Variants in MLYCD observed in about 807,000 individuals in gnomAD.
MLYCD encodes malonyl-CoA decarboxylase.
In MLYCD, 27 loss-of-function variants were observed where a neutral mutation model predicts 35.8. The observed-to-expected ratio is 0.75, with a 90% confidence interval of 0.56 to 1.04. MLYCD has a LOEUF of 1.04. MLYCD is among the 50% of genes least tolerant of loss of function. MLYCD has a pLI of 0.00. For missense variants in MLYCD, 917 were observed against 665.1 expected, an observed-to-expected ratio of 1.38 and a Z score of -4.17; for synonymous variants, 403 against 302.4, an observed-to-expected ratio of 1.33 and a Z score of -3.45.
At position 83,899,689 on chromosome 16, in the gene MLYCD, G is replaced by C; in HGVS notation, c.528+17G>C. Reference sequence around the variant, plus strand: ...GACGTCCGGGTAAGGGGCCGCCGTCGATCCCCCGGCAGCGCGGACTGGCCG... The same window carrying C: ...GACGTCCGGGTAAGGGGCCGCCGTCCATCCCCCGGCAGCGCGGACTGGCCG... On this transcript the variant is annotated intron_variant, in intron 1 of 4. Transcript: ENST00000262430. The C allele has an allele frequency of 1.3e-6, 2 of 1,506,736 alleles. No individual in the cohort carries two copies. Among genetic ancestry groups the C allele is most frequent in the Non-Finnish European group, 1.8e-6 (2 of 1,133,440 alleles). The allele number at this position is 1,506,736 out of a possible 1,614,324, so 93.3% of individuals were successfully genotyped here.
rs904429567 is a variant in MLYCD, at chr16:83,921,455, G to A, written c.*5966G>A. The A allele has an allele frequency of 1.3e-5, 2 of 150,312 alleles. No individual in the cohort carries two copies. The highest frequency in any genetic ancestry group is 3.0e-5 in the Non-Finnish European group (2 of 67,498). 9.3% of individuals were successfully genotyped at this position (150,312 alleles called of 1,614,324 possible). On this transcript the variant is annotated 3_prime_UTR_variant, in exon 5 of 5. Transcript: ENST00000262430. ...GGATGGGTGGGTGGGTGGGTGGATG[G>A]ATGGCGCAGGGTATATGGAAGGAAG...
intron 3 of MLYCD, among the ~76,000 whole-genome samples, chr16:83,911,518 G>A (rs760006317): frequency 2.0e-5 from 3 of 152,210 alleles, no homozygotes; most frequent in Non-Finnish European, 4.4e-5. Context: ...ATGCTTCGGA[G>A]TATAAGGGAT....
In MLYCD at chr16:83,899,556, C is replaced by A; in HGVS notation, c.412C>A (p.Arg138Ser). Residue 138 changes from arginine to serine, a missense_variant, in exon 1 of 5, where the codon CGC (arginine) becomes AGC (serine). Physicochemically the swap from Arg to Ser is moderately radical, Grantham distance 110. Transcript: ENST00000262430. ...GCGCTACGCGCTGGTGCCGCGCTATCGCGGCCTCTTCCACCACATCAGCAA... is the reference window on the plus strand; with the variant it reads ...GCGCTACGCGCTGGTGCCGCGCTATAGCGGCCTCTTCCACCACATCAGCAA... ...RLRYALVPRYRGLFHHISKLD... is the reference protein window; with the variant it reads ...RLRYALVPRYSGLFHHISKLD... The A allele has an allele frequency of 1.3e-6, 2 of 1,592,968 alleles. No individual in the cohort carries two copies.
rs1358648220 is a variant in MLYCD at position 83,920,668 on chromosome 16, T to C, written c.*5179T>C. On this transcript the variant is annotated 3_prime_UTR_variant, in exon 5 of 5. Transcript: ENST00000262430. ...TCTGTGTGGCAGGCGTGTCCGAGAC[T>C]GCAACTCCTAGTTCCCACCTTTCAC... 3 of 152,220 alleles carry C rather than the reference T, an allele frequency of 2.0e-5. No homozygotes were observed. The highest frequency in any genetic ancestry group is 7.2e-5 in the African/African-American group (3 of 41,456). The allele number at this position is 152,220 out of a possible 1,614,324, so 9.4% of individuals were successfully genotyped here.
Position 83,899,149 on chromosome 16 carries a change from G to A in MLYCD, c.5G>A (p.Arg2Gln). 2 of 1,143,200 alleles carry A rather than the reference G, an allele frequency of 1.7e-6. No homozygotes were observed. Among genetic ancestry groups the A allele is most frequent in the Non-Finnish European group, 2.1e-6 (2 of 934,070 alleles). The allele number at this position is 1,143,200 out of a possible 1,614,324, so 70.8% of individuals were successfully genotyped here. M[R>Q]GFGPGLTARR... Reference sequence around the variant, plus strand: ...CGGCAGCTGTTGTGGGGCACCATGCGAGGCTTCGGGCCAGGCTTGACGGCC... The same window carrying A: ...CGGCAGCTGTTGTGGGGCACCATGCAAGGCTTCGGGCCAGGCTTGACGGCC... Residue 2 changes from arginine to glutamine, a missense_variant, in exon 1 of 5, where the codon CGA (arginine) becomes CAA (glutamine). Transcript: ENST00000262430.
chr16:83,899,202 C>T lies in MLYCD; in HGVS notation c.58C>T (p.Pro20Ser), dbSNP rs1292718330. ...ARRLLPLRLPPRPPGPRLASG... is the reference protein window; with the variant it reads ...ARRLLPLRLPSRPPGPRLASG... ...GCGTCTCCTCCCGCTGCGGTTGCCC[C>T]CGCGGCCGCCCGGGCCCCGGCTGGC... The change falls in exon 1 of 5, where the codon CCG becomes TCG. Residue 20 changes from proline to serine, a missense_variant. Physicochemically the swap from Pro to Ser is moderately conservative, Grantham distance 74 (BLOSUM62 -1). Transcript: ENST00000262430. 5.1e-6 allele frequency: 6 copies of T among 1,181,014 alleles called. No homozygotes were observed. Among genetic ancestry groups the T allele is most frequent in the Admixed American group, 4.6e-5 (1 of 21,920 alleles). 73.2% of individuals were successfully genotyped at this position (1,181,014 alleles called of 1,614,324 possible). A position where few individuals can be genotyped will look rare whatever the true frequency, so the allele number is the denominator to read the frequency against.
chr16:83,911,108 C>T (rs2151058301), intron 3 of MLYCD, among the ~76,000 whole-genome samples: 1 of 152,292 alleles, frequency 6.6e-6, no homozygotes, highest in Admixed American at 6.5e-5. Flanking sequence ...TCCGTAGTAG[C>T]TGGGACTACA....
rs1057429820 is a variant in MLYCD, at chr16:83,916,128, C to G, written c.*639C>G. The stretch of plus-strand genomic sequence containing the variant: ...AATAGGCTTTAAATGATCAGGGATT[C>G]AGGTTCATAATGAACTTCACAGTAA... On this transcript the variant is annotated 3_prime_UTR_variant, in exon 5 of 5. Transcript: ENST00000262430. 4.0e-6 allele frequency: 4 copies of G among 993,010 alleles called. No individual in the cohort carries two copies. The highest frequency in any genetic ancestry group is 4.8e-6 in the Non-Finnish European group (4 of 833,344). 61.5% of individuals were successfully genotyped at this position (993,010 alleles called of 1,614,324 possible). A position where few individuals can be genotyped will look rare whatever the true frequency, so the allele number is the denominator to read the frequency against.
rs761146008 is a variant in MLYCD, at chr16:83,914,942, A to G, written c.949-14A>G. 8 of 1,614,094 alleles carry G rather than the reference A, an allele frequency of 5.0e-6. No individual in the cohort carries two copies. Among genetic ancestry groups the G allele is most frequent in the Non-Finnish European group, 5.9e-6 (7 of 1,180,008 alleles). ...TTTCTCCGCCTTCCTTTCCACCCCAACCATGCTTTACAGAGAGAGTTTCCT... is the reference window on the plus strand; with the variant it reads ...TTTCTCCGCCTTCCTTTCCACCCCAGCCATGCTTTACAGAGAGAGTTTCCT... On this transcript the variant is annotated splice_polypyrimidine_tract_variant and intron_variant, in intron 4 of 4. Transcript: ENST00000262430.
rs761086709 is a variant in MLYCD at position 83,907,014 on chromosome 16, C to T, written c.556C>T (p.Leu186Phe). The T allele has an allele frequency of 4.3e-6, 7 of 1,614,180 alleles. No homozygotes were observed. Among genetic ancestry groups the T allele is most frequent in the Non-Finnish European group, 8.5e-7 (1 of 1,180,018 alleles). Residue 186 changes from leucine (L) to phenylalanine (F), a missense_variant, in exon 2 of 5, where the codon CTC (leucine) becomes TTC (phenylalanine). Transcript: ENST00000262430. Reference sequence around the variant, plus strand: ...AATGAATGGGGTGCTGAAAGGAATGCTCTCAGAATGGTTTTCCTCCGGGTT... The same window carrying T: ...AATGAATGGGGTGCTGAAAGGAATGTTCTCAGAATGGTTTTCCTCCGGGTT... ...REMNGVLKGM[L>F]SEWFSSGFLN...
At chr16:83,900,155 G>C (rs1173354646) in intron 1 of MLYCD, among the ~76,000 whole-genome samples, 1 of 152,130 alleles carries the variant, frequency 6.6e-6, no homozygotes, top group Non-Finnish European at 1.5e-5. Context: ...AGGTAAATAG[G>C]ACTCAAGGTC....
rs551175879 is a variant in MLYCD, at chr16:83,917,439, C to G, written c.*1950C>G. On this transcript the variant is annotated 3_prime_UTR_variant, in exon 5 of 5. Transcript: ENST00000262430. Reference sequence around the variant, plus strand: ...TCTGTGTGCGTGTGTCCGCAGTTGCCCTGTCCTCGCTGTCCTCGGTTTGGC... The same window carrying G: ...TCTGTGTGCGTGTGTCCGCAGTTGCGCTGTCCTCGCTGTCCTCGGTTTGGC... The G allele has an allele frequency of 6.5e-6, 1 of 154,694 alleles. No homozygotes were observed. The highest frequency in any genetic ancestry group is 1.5e-5 in the Non-Finnish European group (1 of 68,320). 9.6% of individuals were successfully genotyped at this position (154,694 alleles called of 1,614,324 possible).
chr16:83,905,026 C>G (rs1312306839), intron 1 of MLYCD, among the ~76,000 whole-genome samples: 1 of 152,176 alleles, frequency 6.6e-6, no homozygotes, highest in African/African-American at 2.4e-5. Context: ...AGCCATCACC[C>G]CAAAACCTGC....
intron 4 of MLYCD, chr16:83,914,481 G>A: frequency 4.0e-6 from 1 of 249,404 alleles, no homozygotes. Context: ...ACTCCCCACT[G>A]GCCAGCTGTC....
In MLYCD at chr16:83,915,626, A is replaced by G. The variant is rs902779227; in HGVS notation, c.*137A>G. The G allele has an allele frequency of 1.8e-5, 28 of 1,525,130 alleles. No homozygotes were observed. In the Admixed American group the frequency reaches 3.4e-4, roughly 18 times the overall value. The allele number at this position is 1,525,130 out of a possible 1,614,324, so 94.5% of individuals were successfully genotyped here. On this transcript the variant is annotated 3_prime_UTR_variant, in exon 5 of 5. Transcript: ENST00000262430. ...TGTTCTTGTCCCGCAGCCGGTCCAC[A>G]CTGTGAGGCCAGGCCTCAACTTCCC...
rs756042120 is a variant in MLYCD, at chr16:83,915,093, A to G, written c.1086A>G (p.Glu362=). The change falls in exon 5 of 5, where the codon GAA becomes GAG. Residue 362 remains glutamate (E), a synonymous_variant. Transcript: ENST00000262430. ...TCTTTACAGATTCGGAATGTAAGGA[A>G]ATCTCGGAGATCACAGGTGGCCCCA... is the stretch of plus-strand genomic sequence containing the variant. ...NELFTDSECK[E]ISEITGGPIN... 4 of 1,614,222 alleles carry G rather than the reference A, an allele frequency of 2.5e-6. No homozygotes were observed. The highest frequency in any genetic ancestry group is 3.4e-6 in the Non-Finnish European group (4 of 1,180,046).
At chr16:83,900,960 AC>A (rs752611079) in intron 1 of MLYCD, among the ~76,000 whole-genome samples, 2 of 152,164 alleles carry the variant, frequency 1.3e-5, no homozygotes, top group Non-Finnish European at 1.5e-5. Flanking sequence ...TCACTGTCTT[AC>A]CGTTAATCAG....
At position 83,920,366 on chromosome 16, in the gene MLYCD, C is replaced by A. The variant is rs183022535; in HGVS notation, c.*4877C>A. 1.3e-5 allele frequency: 2 copies of A among 152,222 alleles called. No homozygotes were observed. Among genetic ancestry groups the A allele is most frequent in the Admixed American group, 1.3e-4 (2 of 15,272 alleles). The allele number at this position is 152,222 out of a possible 1,614,324, so 9.4% of individuals were successfully genotyped here. A position where few individuals can be genotyped will look rare whatever the true frequency, so the allele number is the denominator to read the frequency against. ...TCATCTCACCAGGCTGAGGTCGCTGCCTGTGAACAGTTGACAGACCTAAAG... is the reference window on the plus strand; with the variant it reads ...TCATCTCACCAGGCTGAGGTCGCTGACTGTGAACAGTTGACAGACCTAAAG... On this transcript the variant is annotated 3_prime_UTR_variant, in exon 5 of 5. Transcript: ENST00000262430.
Position 83,907,049 on chromosome 16 carries a change from A to G in MLYCD, c.591A>G (p.Leu197=), listed in dbSNP as rs1260899048. 6.2e-7 allele frequency: 1 copy of G among 1,614,266 alleles called. No individual in the cohort carries two copies. The highest frequency in any genetic ancestry group is 1.7e-5 in the Admixed American group (1 of 60,030). The change falls in exon 2 of 5, where the codon CTA becomes CTG. Residue 197 remains leucine (L), a synonymous_variant. Transcript: ENST00000262430. Reference sequence around the variant, plus strand: ...GGTTTTCCTCCGGGTTCCTGAACCTAGAACGGGTTACCTGGCATTCACCGT... The same window carrying G: ...GGTTTTCCTCCGGGTTCCTGAACCTGGAACGGGTTACCTGGCATTCACCGT... ...SEWFSSGFLN[L]ERVTWHSPCE...
Sources: allele counts gnomAD v4.1 joint callset (sites outside exome capture counted in the v4.1 genomes callset), GRCh38; gene constraint gnomAD v4.1.1; transcripts MANE v1.5; gene names NCBI Gene and HGNC (gene_info 2026-07-23, HGNC 2026-07-21).